MIDN: variants seen among roughly 807,000 people sequenced by gnomAD.
The protein encoded by MIDN is midbrain nucleolar protein.
MIDN carries 26 observed loss-of-function variants against 46.1 expected under a neutral mutation model. The ratio of observed to expected loss-of-function variants is 0.56; its 90% CI spans 0.41 to 0.78. The LOEUF (loss-of-function observed/expected upper bound fraction) is 0.78. Ranked by LOEUF, MIDN falls within the 30% of genes least tolerant of loss-of-function variation. MIDN has a pLI of 0.00. For synonymous variants in MIDN, 432 were observed against 343.3 expected, an observed-to-expected ratio of 1.26 and a Z score of -2.86; for missense variants, 850 against 771.8, an observed-to-expected ratio of 1.10 and a Z score of -1.20.
At position 1,257,199 on chromosome 19, in the gene MIDN, G is replaced by A. The variant is rs2081210359; in HGVS notation, c.1463G>A (p.Gly488Asp). ...GGSPSEASGL[G>D]LDFEDSVWKP... ...AGCCCCAGCGAGGCCTCCGGCTTGG[G>A]CCTCGACTTCGAGGACTCCGTGTGG... Residue 488 changes from glycine to aspartate, a missense_variant, in exon 9 of 9, where the codon GGC becomes GAC. Gly to Asp is a moderately conservative substitution (Grantham distance 94). Transcript: ENST00000682408. 6.2e-7 allele frequency: 1 copy of A among 1,612,126 alleles called. No homozygotes were observed.
At position 1,254,312 on chromosome 19, in the gene MIDN, C is replaced by A; in HGVS notation, c.659C>A (p.Ala220Asp). The A allele has an allele frequency of 6.4e-7, 1 of 1,569,662 alleles. No homozygotes were observed. Residue 220 changes from alanine to aspartate, a missense_variant, in exon 6 of 9, where the codon GCT (alanine) becomes GAT (aspartate). Coordinates refer to ENST00000682408, the MANE Select transcript of MIDN (RefSeq NM_001388306.1). The stretch of plus-strand genomic sequence containing the variant: ...CTGGCCGCTGCGGCCGCCGCCGCTG[C>A]TGCGCGGGGGGACCCCAGCATAGCC... ...HVLAAAAAAA[A>D]ARGDPSIASP... is the part of the protein sequence containing the mutation.
chr19:1,250,544 C>T lies in MIDN; in HGVS notation c.233+15C>T. The T allele has an allele frequency of 3.4e-6, 4 of 1,192,488 alleles. No individual in the cohort carries two copies. The highest frequency in any genetic ancestry group is 3.9e-5 in the East Asian group (1 of 25,538). The allele number at this position is 1,192,488 out of a possible 1,614,324, so 73.9% of individuals were successfully genotyped here. A position where few individuals can be genotyped will look rare whatever the true frequency, so the allele number is the denominator to read the frequency against. ...CACAAAGACACGTAGGTACCGCGCG[C>T]CCCCGGCCGGCCGCCCCCTCGGGCC... is the stretch of plus-strand genomic sequence containing the variant. On this transcript the variant is annotated intron_variant, in intron 2 of 8. Transcript: ENST00000682408.
chr19:1,251,530 C>G (rs767172503), intron 2 of MIDN, 32 bp from the exon 3 acceptor site: 4 of 1,599,798 alleles, frequency 2.5e-6, no homozygotes, highest in Non-Finnish European at 3.4e-6. Flanking sequence ...GTCGTCTCCG[C>G]GGAGTCTCAT....
intron 2 of MIDN, among the ~76,000 whole-genome samples, chr19:1,250,783 C>T (rs1487257115): frequency 2.0e-5 from 3 of 151,936 alleles, no homozygotes; most frequent in African/African-American, 7.2e-5. Flanking sequence ...GCAGGAATCC[C>T]AGGGCGTTGC....
intron 4 of MIDN, 142 bp from the exon 5 acceptor site, chr19:1,253,812 G>C: frequency 1.6e-5 from 9 of 572,470 alleles, no homozygotes; most frequent in Non-Finnish European, 2.3e-5. Context: ...ATGAGGGTGG[G>C]GGAAAGGCAA....
intron 1 of MIDN, among the ~76,000 whole-genome samples, chr19:1,249,421 G>GC (rs1218851086): frequency 6.7e-6 from 1 of 149,924 alleles, no homozygotes; most frequent in Non-Finnish European, 1.5e-5. Context: ...CGGCGGGGTG[G>GC]CCCCACGACT....
chr19:1,253,502 AG>A (rs1350007326), intron 4 of MIDN, among the ~76,000 whole-genome samples: 2 of 147,384 alleles, frequency 1.4e-5, no homozygotes, highest in Non-Finnish European at 3.0e-5. Context: ...GGACAGGGTG[AG>A]ATTCAACCCA....
chr19:1,256,859 T>C (rs2081204875), intron 8 of MIDN, 136 bp from the exon 9 acceptor site: 2 of 1,317,190 alleles, frequency 1.5e-6, no homozygotes, highest in Non-Finnish European at 2.1e-6. Context: ...TGTCCTTGAC[T>C]GTTTCCTTTG....
chr19:1,256,731 T>A (rs1193193468), intron 8 of MIDN, among the ~76,000 whole-genome samples: 1 of 152,084 alleles, frequency 6.6e-6, no homozygotes, highest in African/African-American at 2.4e-5. Context: ...CAGGCCTGTC[T>A]CGAACTCCTG....
rs2081224413 is a variant in MIDN, at chr19:1,258,131, T to TA, written c.*859_*860insA. ...TGTTTTCTGACCTCCTGCCTGAGTTTGGGGTATTTATAGACTATTAATTTT... is the reference window on the plus strand; with the variant it reads ...TGTTTTCTGACCTCCTGCCTGAGTTTAGGGGTATTTATAGACTATTAATTTT... On this transcript the variant is annotated 3_prime_UTR_variant, in exon 9 of 9. Transcript: ENST00000682408. 1.3e-5 allele frequency: 2 copies of TA among 152,538 alleles called. No homozygotes were observed. Among genetic ancestry groups the TA allele is most frequent in the Admixed American group, 1.3e-4 (2 of 15,282 alleles). The allele number at this position is 152,538 out of a possible 1,614,324, so 9.4% of individuals were successfully genotyped here.
intron 1 of MIDN, among the ~76,000 whole-genome samples, chr19:1,249,221 C>T (rs1402643531): frequency 4.0e-5 from 6 of 148,164 alleles, no homozygotes; most frequent in Non-Finnish European, 7.5e-5. Flanking sequence ...GCGGGGCCCC[C>T]GGCGGCAGCC....
At chr19:1,249,017 G>A (rs1051575865) in intron 1 of MIDN, among the ~76,000 whole-genome samples, 1 of 151,996 alleles carries the variant, frequency 6.6e-6, no homozygotes, top group Non-Finnish European at 1.5e-5. Flanking sequence ...TCCCCTGCCA[G>A]GGGCAGCGCG....
Position 1,255,039 on chromosome 19 carries a change from G to A in MIDN, c.963G>A (p.Gly321=). 1.2e-6 allele frequency: 2 copies of A among 1,612,976 alleles called. No individual in the cohort carries two copies. The highest frequency in any genetic ancestry group is 1.7e-6 in the Non-Finnish European group (2 of 1,179,712). ...VIESFVNHAP[G]VFSGTFSGTL... is the part of the protein sequence containing the mutation. ...AGAGCTTTGTGAATCACGCCCCGGG[G>A]GTCTTCTCAGGGACCTTCTCTGGTA... Residue 321 remains glycine (G), a synonymous_variant, in exon 7 of 9, where the codon GGG becomes GGA. Transcript: ENST00000682408.
chr19:1,257,528 C>CCTT lies in MIDN; in HGVS notation c.*258_*259insTCT. The CCTT allele has an allele frequency of 4.5e-6, 2 of 449,226 alleles. No individual in the cohort carries two copies. Among genetic ancestry groups the CCTT allele is most frequent in the South Asian group, 3.2e-5 (1 of 30,872 alleles). The allele number at this position is 449,226 out of a possible 1,614,324, so 27.8% of individuals were successfully genotyped here. The stretch of plus-strand genomic sequence containing the variant: ...CTCCTGCCCTCCTCTTCCTCCTCCT[C>CCTT]CTCCTCCTCCGTCTGTCTCCTTTCA... On this transcript the variant is annotated 3_prime_UTR_variant, in exon 9 of 9. Coordinates refer to ENST00000682408, the MANE Select transcript of MIDN (RefSeq NM_001388306.1).
Position 1,251,887 on chromosome 19 carries a change from C to T in MIDN, c.370C>T (p.Leu124Phe), listed in dbSNP as rs2081133995. ...GTCCGTGATGCAAGCTCTCGAGAGT[C>T]TCACGGAGACGCAGGTAAGACCTCG... is the stretch of plus-strand genomic sequence containing the variant. Reference protein sequence around the residue: ...EQSVMQALESLTETQPPAAPG... With the variant: ...EQSVMQALESFTETQPPAAPG... The change falls in exon 4 of 9, where the codon CTC becomes TTC. Residue 124 changes from leucine to phenylalanine, a missense_variant. Physicochemically the swap from Leu to Phe is conservative, Grantham distance 22. Coordinates refer to ENST00000682408, the MANE Select transcript of MIDN (RefSeq NM_001388306.1). 6.2e-7 allele frequency: 1 copy of T among 1,613,356 alleles called. No homozygotes were observed. The highest frequency in any genetic ancestry group is 8.5e-7 in the Non-Finnish European group (1 of 1,179,740).
chr19:1,250,902 C>A (rs898110452), intron 2 of MIDN, among the ~76,000 whole-genome samples: 13 of 152,050 alleles, frequency 8.5e-5, no homozygotes, highest in African/African-American at 2.2e-4. Context: ...TGTCTCCCCC[C>A]ACTTGCGTCT....
At position 1,257,136 on chromosome 19, in the gene MIDN, C is replaced by A; in HGVS notation, c.1400C>A (p.Ala467Asp). The A allele has an allele frequency of 6.2e-7, 1 of 1,611,374 alleles. No homozygotes were observed. The highest frequency in any genetic ancestry group is 8.5e-7 in the Non-Finnish European group (1 of 1,179,164). The stretch of plus-strand genomic sequence containing the variant: ...TACCACTGGTCACCCAGCCGCAAGG[C>A]CGGCCGCAGCGACAGCAGTAGCAGC... ...GPYHWSPSRKAGRSDSSSSGG... is the reference protein window; with the variant it reads ...GPYHWSPSRKDGRSDSSSSGG... The change falls in exon 9 of 9, where the codon GCC becomes GAC. Residue 467 changes from alanine (A) to aspartate (D), a missense_variant. Physicochemically the swap from Ala to Asp is moderately radical, Grantham distance 126 (BLOSUM62 -2). Coordinates refer to ENST00000682408, the MANE Select transcript of MIDN (RefSeq NM_001388306.1).
intron 2 of MIDN, among the ~76,000 whole-genome samples, chr19:1,250,965 C>A (rs1342714842): frequency 6.6e-6 from 1 of 152,102 alleles, no homozygotes; most frequent in Non-Finnish European, 1.5e-5. Context: ...CTCCCCTCCC[C>A]CCTGGTATTT....
rs1289849798 is a variant in MIDN, at chr19:1,257,290, C to T, written c.*18C>T. 5 of 1,606,028 alleles carry T rather than the reference C, an allele frequency of 3.1e-6. No homozygotes were observed. The highest frequency in any genetic ancestry group is 1.7e-6 in the Non-Finnish European group (2 of 1,175,398). ...TGGCTTAGGATCTTCGGATCGGCCA[C>T]CCTCGCCCCTCGCACCCCAGCCCAG... On this transcript the variant is annotated 3_prime_UTR_variant, in exon 9 of 9. Transcript: ENST00000682408.
Sources: allele counts gnomAD v4.1 joint callset (sites outside exome capture counted in the v4.1 genomes callset), GRCh38; gene constraint gnomAD v4.1.1; transcripts MANE v1.5; gene names NCBI Gene and HGNC (gene_info 2026-07-23, HGNC 2026-07-21).